NUP93: variants seen among roughly 807,000 people sequenced by gnomAD.
NUP93 encodes nuclear pore complex protein Nup93.
A neutral mutation model predicts 107.8 loss-of-function variants in NUP93; 55 were observed. The observed-to-expected ratio is 0.51, with a 90% CI of 0.41 to 0.64. The LOEUF (loss-of-function observed/expected upper bound fraction) is 0.64, where lower values mean the gene tolerates loss of function less well. NUP93 is among the 30% of genes least tolerant of loss of function. The pLI is 0.00. For synonymous variants in NUP93, 390 were observed against 397.5 expected (o/e 0.98, Z 0.22); for missense variants, 937 against 1,044.7 (o/e 0.90, Z 1.42).
At chr16:56,839,403 G>C in intron 19 of NUP93, 118 bp from the exon 20 acceptor site, 1 of 688,870 alleles carries the variant, frequency 1.5e-6, no homozygotes, top group Non-Finnish European at 2.4e-6. Flanking sequence ...TGTACAAGGA[G>C]GAATGGCGTT....
chr16:56,785,456 A>T (rs753311058), intron 3 of NUP93, among the ~76,000 whole-genome samples: 1 of 151,454 alleles, frequency 6.6e-6, no homozygotes, highest in East Asian at 1.9e-4. Context: ...CAATCTGGAA[A>T]CTCTTCAGTT....
At chr16:56,742,306 G>T (rs1372100542) in intron 1 of NUP93, among the ~76,000 whole-genome samples, 1 of 152,216 alleles carries the variant, frequency 6.6e-6, no homozygotes, top group Non-Finnish European at 1.5e-5. Flanking sequence ...TACTTATCAA[G>T]TCTAGCTTAA....
intron 3 of NUP93, among the ~76,000 whole-genome samples, chr16:56,774,623 C>T (rs1373920069): frequency 6.6e-6 from 1 of 152,176 alleles, no homozygotes; most frequent in Non-Finnish European, 1.5e-5. Flanking sequence ...TTTTAGAAAT[C>T]ATTTGAAATG....
chr16:56,834,749 G>A lies in NUP93; in HGVS notation c.1753G>A (p.Gly585Arg). The A allele has an allele frequency of 6.2e-7, 1 of 1,612,240 alleles. No homozygotes were observed. The highest frequency in any genetic ancestry group is 1.3e-5 in the African/African-American group (1 of 74,970). ...IESREFDMIL[G>R]KLENDGSRKP... ...CCTTCCACAGTTCGATATGATTCTT[G>A]GGAAACTAGAGAATGACGGAAGTAG... The change falls in exon 16 of 22, where the codon GGG (glycine) becomes AGG (arginine). Residue 585 changes from glycine (G) to arginine (R), a missense_variant. Coordinates refer to ENST00000308159, the MANE Select transcript of NUP93 (RefSeq NM_014669.5).
intron 1 of NUP93, among the ~76,000 whole-genome samples, chr16:56,744,102 C>T (rs554339539): frequency 1.3e-5 from 2 of 152,266 alleles, no homozygotes; most frequent in East Asian, 1.9e-4. Context: ...GTCCTGCTTC[C>T]GTGGTTTCTT....
At chr16:56,811,661 G>A (rs1216826615) in intron 5 of NUP93, among the ~76,000 whole-genome samples, 1 of 152,096 alleles carries the variant, frequency 6.6e-6, no homozygotes, top group Non-Finnish European at 1.5e-5. Context: ...AGTAGAGACA[G>A]GGTTTCACCA....
At chr16:56,782,747 G>GTACTATTAGA (rs1159984049) in intron 3 of NUP93, 3 of 152,082 alleles carry the variant, frequency 2.0e-5, no homozygotes, top group African/African-American at 7.2e-5. Flanking sequence ...TAGGGAAAAA[G>GTACTATTAGA]TACTATTAGA....
intron 2 of NUP93, among the ~76,000 whole-genome samples, chr16:56,754,893 G>A (rs181350477): frequency 7.2e-5 from 11 of 152,260 alleles, no homozygotes; most frequent in East Asian, 1.9e-4. Flanking sequence ...GTAGCTGTTC[G>A]GAGGCTCCCA....
At chr16:56,819,031 C>A (rs1963491960) in intron 6 of NUP93, among the ~76,000 whole-genome samples, 1 of 152,218 alleles carries the variant, frequency 6.6e-6, no homozygotes, top group African/African-American at 2.4e-5. Context: ...GGTAACTGCG[C>A]TGCTTAGCAA....
rs375589005 is a variant in NUP93, at chr16:56,826,580, G to T, written c.795-2397G>T. Among the ~76,000 whole-genome samples the T allele has an allele frequency of 1.9e-4, 28 of 149,894 alleles. 1 individual carries two copies. The East Asian group carries it at 4.9e-3, about 26-fold the overall frequency. On this transcript the variant is annotated intron_variant, in intron 8 of 21. Coordinates refer to ENST00000308159, the MANE Select transcript of NUP93 (RefSeq NM_014669.5). The stretch of plus-strand genomic sequence containing the variant: ...CATTAACATTTGTTAAATTTTGTTT[G>T]TTTTTCATTATAAAAATGATACATC...
chr16:56,836,106 GAGAC>G, intron 16 of NUP93, among the ~76,000 whole-genome samples: 1 of 147,852 alleles, frequency 6.8e-6, no homozygotes. Flanking sequence ...TCCAGCCTGG[GAGAC>G]AGAGCAAGAC....
chr16:56,833,217 G>A lies in NUP93; in HGVS notation c.1348G>A (p.Glu450Lys), dbSNP rs764428645. 3.1e-6 allele frequency: 5 copies of A among 1,597,938 alleles called. No homozygotes were observed. Among genetic ancestry groups the A allele is most frequent in the East Asian group, 2.3e-5 (1 of 43,526 alleles). Residue 450 changes from glutamate to lysine, a missense_variant and splice_region_variant, in exon 13 of 22, where the codon GAG becomes AAG. Physicochemically the swap from Glu to Lys is moderately conservative, Grantham distance 56. Transcript: ENST00000308159. The stretch of plus-strand genomic sequence containing the variant: ...TCCTCTCCTCTCCTCTCTCCCAGGC[G>A]AGTCCCACTTTACGGTGAACCAGCA... ...FQKQLLEDYGESHFTVNQQPF... is the reference protein window; with the variant it reads ...FQKQLLEDYGKSHFTVNQQPF...
rs776660105 is a variant in NUP93 at position 56,823,769 on chromosome 16, G to A, written c.717G>A (p.Thr239=). The A allele has an allele frequency of 5.6e-5, 90 of 1,614,166 alleles. No individual in the cohort carries two copies. In the South Asian group the frequency reaches 8.9e-4, roughly 16 times the overall value. ...CAGACGTGTTGTTGACACCGGCAAC[G>A]GATGCCCTGAAGAACCGCAGCAGCG... ...QMTDVLLTPA[T]DALKNRSSVE... is the part of the protein sequence containing the mutation. The change falls in exon 8 of 22, where the codon ACG becomes ACA. Residue 239 remains threonine (T), a synonymous_variant. Transcript: ENST00000308159.
At chr16:56,822,115 A>AG (rs1567405383) in intron 7 of NUP93, among the ~76,000 whole-genome samples, 10 of 150,848 alleles carry the variant, frequency 6.6e-5, no homozygotes, top group African/African-American at 2.4e-4. Context: ...AAAAAAAAAA[A>AG]AGGGGGATGG....
intron 3 of NUP93, among the ~76,000 whole-genome samples, chr16:56,764,881 A>G (rs1962190616): frequency 6.6e-6 from 1 of 152,256 alleles, no homozygotes; most frequent in African/African-American, 2.4e-5. Context: ...GCTGAAAGAA[A>G]TGCAGTTGTC....
intron 8 of NUP93, among the ~76,000 whole-genome samples, chr16:56,827,667 G>A (rs188172334): frequency 3.5e-4 from 54 of 152,292 alleles, no homozygotes; most frequent in Non-Finnish European, 5.7e-4. Flanking sequence ...TAATGATCCA[G>A]CTTACAAGAT....
At chr16:56,837,284 C>T (rs1963930735) in intron 17 of NUP93, among the ~76,000 whole-genome samples, 2 of 152,310 alleles carry the variant, frequency 1.3e-5, no homozygotes, top group South Asian at 4.1e-4. Flanking sequence ...AGCTATAGGC[C>T]AAGTGCAGGG....
At chr16:56,740,101 G>T (rs866575311) in intron 1 of NUP93, among the ~76,000 whole-genome samples, 1 of 113,438 alleles carries the variant, frequency 8.8e-6, no homozygotes, top group East Asian at 2.9e-4. Context: ...CCTCCCGGAC[G>T]GGGCGGCTGG....
At chr16:56,782,716 C>T (rs1418669673) in intron 3 of NUP93, 2 of 151,988 alleles carry the variant, frequency 1.3e-5, no homozygotes, top group East Asian at 1.9e-4. Flanking sequence ...TTTAGGAATT[C>T]AGTCCTTTAT....
Sources: gnomAD v4.1 joint callset for allele counts (sites outside exome capture counted in the v4.1 genomes callset) on GRCh38, gnomAD v4.1.1 for gene constraint, MANE v1.5 for transcripts, NCBI Gene and HGNC (gene_info 2026-07-23, HGNC 2026-07-21) for gene names.